Variants in TOX2 observed in about 807,000 individuals in gnomAD.
The protein encoded by TOX2 is TOX high mobility group box family member 2, also known as granulosa cell HMG box 1.
Under a neutral mutation model 47.4 loss-of-function variants are expected in TOX2, and 15 were observed. The ratio of observed to expected loss-of-function variants is 0.32; its 90% CI spans 0.21 to 0.49. The LOEUF is 0.49. Among genes scored for constraint, TOX2 ranks in the 20% least tolerant of loss-of-function variants. The pLI, the probability that TOX2 is intolerant of heterozygous loss-of-function variation, is 0.99. For missense variants in TOX2, 622 were observed against 673.1 expected (o/e 0.92, Z 0.84); for synonymous variants, 290 against 296.6 (o/e 0.98, Z 0.23).
intron 4 of TOX2, among the ~76,000 whole-genome samples, chr20:44,052,454 G>C (rs1189194670): frequency 6.6e-6 from 1 of 152,210 alleles, no homozygotes; most frequent in Non-Finnish European, 1.5e-5. Flanking sequence ...TGTCGATCCA[G>C]TGTCCTTTCC....
chr20:43,926,643 A>G (rs556911175), intron 1 of TOX2, among the ~76,000 whole-genome samples: 14 of 152,338 alleles, frequency 9.2e-5, no homozygotes. Flanking sequence ...TTTTCAGTTC[A>G]GGATCGGTGT....
intron 1 of TOX2, among the ~76,000 whole-genome samples, chr20:43,952,429 C>T (rs1190396569): frequency 6.6e-6 from 1 of 152,154 alleles, no homozygotes. Context: ...TTTGCTCTTA[C>T]TATGTGTTCC....
At chr20:43,984,777 GT>G (rs2070236203) in intron 2 of TOX2, among the ~76,000 whole-genome samples, 1 of 152,090 alleles carries the variant, frequency 6.6e-6, no homozygotes. Context: ...CCCAGGAAAT[GT>G]TCACTCTCTC....
At chr20:43,924,728 T>C (rs551888634) in intron 1 of TOX2, among the ~76,000 whole-genome samples, 3 of 152,356 alleles carry the variant, frequency 2.0e-5, no homozygotes, top group Middle Eastern at 3.4e-3. Context: ...CTGCACCTCA[T>C]TTTTCTACCA....
intron 3 of TOX2, among the ~76,000 whole-genome samples, chr20:44,041,059 T>C (rs571975370): frequency 7.3e-4 from 111 of 152,132 alleles, no homozygotes; most frequent in South Asian, 1.9e-3. Context: ...GAATCAGGGA[T>C]TGCAAGGGAA....
rs562809793 is a variant in TOX2 at position 43,916,865 on chromosome 20, G to T, written c.99+1875G>T. On this transcript the variant is annotated intron_variant, in intron 1 of 8. Transcript: ENST00000341197. This position sits in a 1 kb window ranked among gnomAD's most constrained non-coding sequence, Gnocchi z 5.0. ...GGGGCTGTCCCAAATAGGGGCCTTT[G>T]GAGGCAGGACTCAGCCGAGGCCCCT... Among the ~76,000 whole-genome samples the T allele has an allele frequency of 6.6e-6, 1 of 152,314 alleles. No homozygotes were observed. Among genetic ancestry groups the T allele is most frequent in the East Asian group, 1.9e-4 (1 of 5,166 alleles).
chr20:44,042,358 A>T (rs1012806352), intron 3 of TOX2, among the ~76,000 whole-genome samples: 4 of 152,240 alleles, frequency 2.6e-5, no homozygotes, highest in Admixed American at 2.0e-4. Flanking sequence ...GTGTGAAACC[A>T]TATCAATATG....
At chr20:43,946,480 C>T (rs764599075) in intron 1 of TOX2, among the ~76,000 whole-genome samples, 2 of 152,110 alleles carry the variant, frequency 1.3e-5, no homozygotes, top group Non-Finnish European at 2.9e-5. Flanking sequence ...GAAGGCAAGA[C>T]GGGTGAGAAG....
At chr20:43,951,705 A>ATTTTTT (rs1212223106) in intron 1 of TOX2, among the ~76,000 whole-genome samples, 7 of 30,382 alleles carry the variant, frequency 2.3e-4, no homozygotes, top group Admixed American at 3.8e-4. Flanking sequence ...TAAACTTATT[A>ATTTTTT]TGTTTTTTTT....
rs545557239 is a variant in TOX2, at chr20:43,955,472, G to A, written c.100-17895G>A. Among the ~76,000 whole-genome samples, 91 of 152,306 alleles carry A rather than the reference G, an allele frequency of 6.0e-4. 1 individual carries two copies. The highest frequency in any genetic ancestry group is 2.1e-3 in the African/African-American group (88 of 41,554). ...GTTAAAGCTTAGGGCAGGGTGAGCC[G>A]AGGTACTCAGACATTTCTGATGTGA... On this transcript the variant is annotated intron_variant, in intron 1 of 8. Transcript: ENST00000341197.
chr20:44,051,638 A>C, intron 4 of TOX2, 93 bp downstream of exon 4: 1 of 1,479,424 alleles, frequency 6.8e-7, no homozygotes, highest in South Asian at 1.4e-5. Flanking sequence ...CCTCTAGTAA[A>C]GACTAGAAAA....
chr20:44,052,171 G>C (rs6031328), intron 4 of TOX2, among the ~76,000 whole-genome samples: 118,229 of 152,116 alleles, frequency 0.78, 46,049 homozygotes, highest in East Asian at 0.84. Flanking sequence ...AAAAATGACC[G>C]CCCCACTGGG....
intron 3 of TOX2, among the ~76,000 whole-genome samples, chr20:44,019,154 G>A (rs143039613): frequency 6.6e-6 from 1 of 152,380 alleles, no homozygotes; most frequent in East Asian, 1.9e-4. Flanking sequence ...AAATGCCTCT[G>A]TAAACACCTC....
intron 2 of TOX2, among the ~76,000 whole-genome samples, chr20:44,004,920 C>T (rs552814087): frequency 7.9e-5 from 12 of 152,226 alleles, no homozygotes; most frequent in East Asian, 1.9e-4. Flanking sequence ...ATATATGTTA[C>T]GTAGTTATAT....
intron 3 of TOX2, among the ~76,000 whole-genome samples, chr20:44,028,639 C>T (rs2071101545): frequency 2.0e-5 from 3 of 152,068 alleles, no homozygotes; most frequent in Non-Finnish European, 2.9e-5. Flanking sequence ...GTGATACAGA[C>T]AGACAAAGAC....
intron 3 of TOX2, among the ~76,000 whole-genome samples, chr20:44,008,791 A>G (rs2070731151): frequency 1.3e-5 from 2 of 152,144 alleles, no homozygotes; most frequent in South Asian, 4.1e-4. Context: ...CCAAACTCAA[A>G]CTTATACAAA....
intron 3 of TOX2, among the ~76,000 whole-genome samples, chr20:44,040,744 C>G (rs892843235): frequency 2.6e-5 from 4 of 152,130 alleles, no homozygotes; most frequent in Non-Finnish European, 5.9e-5. Context: ...CTGATTACAA[C>G]GGTATGGGTA....
chr20:43,959,809 A>G (rs903501925), intron 1 of TOX2, among the ~76,000 whole-genome samples: 12 of 152,232 alleles, frequency 7.9e-5, no homozygotes, highest in African/African-American at 2.9e-4. Flanking sequence ...TGTCAAATAC[A>G]AATATTGGCA....
chr20:44,049,728 T>C (rs1185270678), intron 3 of TOX2, among the ~76,000 whole-genome samples: 1 of 152,178 alleles, frequency 6.6e-6, no homozygotes, highest in Non-Finnish European at 1.5e-5. Flanking sequence ...CACTTACAAG[T>C]GAAAACATGA....
Sources: gnomAD v4.1 joint callset for allele counts (sites outside exome capture counted in the v4.1 genomes callset) on GRCh38, gnomAD v4.1.1 for gene constraint, Gnocchi (gnomAD v3.1) non-coding constraint, MANE v1.5 for transcripts, NCBI Gene and HGNC (gene_info 2026-07-23, HGNC 2026-07-21) for gene names.